DLGAP1: variants seen among roughly 807,000 people sequenced by gnomAD.
DLGAP1 encodes DLG associated protein 1.
A neutral mutation model predicts 90.8 loss-of-function variants in DLGAP1; 11 were observed. The ratio of observed to expected loss-of-function variants is 0.12; its 90% CI spans 0.08 to 0.20. The LOEUF is 0.20. Among genes scored for constraint, DLGAP1 ranks in the 10% least tolerant of loss-of-function variants. The probability of loss-of-function intolerance (pLI) is 1.00; values close to 1 mark genes in which losing one functional copy is unlikely to be tolerated. For missense variants in DLGAP1, 1,050 were observed against 1,333.8 expected, an observed-to-expected ratio of 0.79 and a Z score of 3.31; for synonymous variants, 558 against 540.7, an observed-to-expected ratio of 1.03 and a Z score of -0.44.
intron 7 of DLGAP1, among the ~76,000 whole-genome samples, chr18:3,641,480 T>C (rs1599681694): frequency 7.1e-6 from 1 of 140,552 alleles, no homozygotes; most frequent in East Asian, 2.1e-4. Context: ...GAGGTTGCGG[T>C]GAGCTGAGAT....
intron 6 of DLGAP1, 149 bp downstream of exon 6, chr18:3,742,186 G>T: frequency 1.0e-6 from 1 of 1,002,952 alleles, no homozygotes; most frequent in Non-Finnish European, 1.4e-6. Context: ...CCCATGGCAT[G>T]CTCTTTGCAG....
chr18:3,549,072 T>A (rs1214618571), intron 9 of DLGAP1, among the ~76,000 whole-genome samples: 2 of 152,206 alleles, frequency 1.3e-5, no homozygotes, highest in Non-Finnish European at 2.9e-5. Flanking sequence ...ATGTCTGGAT[T>A]ATTTCATTTC....
At position 3,567,410 on chromosome 18, in the gene DLGAP1, G is replaced by C; in HGVS notation, c.2057+80C>G. On this transcript the variant is annotated intron_variant, in intron 9 of 12. Coordinates refer to ENST00000315677, the MANE Select transcript of DLGAP1 (RefSeq NM_004746.4). ...TTAGAGGAAAATATCATTGAATTTT[G>C]TAGACTTATCACGGGGAAAAATGCT... 5 of 1,198,216 alleles carry C rather than the reference G, an allele frequency of 4.2e-6. No homozygotes were observed. The South Asian group carries it at 6.6e-5, about 16-fold the overall frequency. 74.2% of individuals were successfully genotyped at this position (1,198,216 alleles called of 1,614,324 possible).
At chr18:4,398,355 T>C (rs9960849) in intron 1 of DLGAP1, among the ~76,000 whole-genome samples, 140,392 of 152,262 alleles carry the variant, frequency 0.92, 64,900 homozygotes, top group East Asian at 1. Flanking sequence ...ACTAGAAATG[T>C]GACTGTTCAC....
chr18:4,411,408 T>C (rs2082774395), intron 1 of DLGAP1, among the ~76,000 whole-genome samples: 1 of 152,170 alleles, frequency 6.6e-6, no homozygotes, highest in African/African-American at 2.4e-5. Context: ...GGTGGACTCA[T>C]AATTACAGTA....
At chr18:3,750,417 C>G (rs902737407) in intron 5 of DLGAP1, among the ~76,000 whole-genome samples, 2 of 152,176 alleles carry the variant, frequency 1.3e-5, no homozygotes, top group Non-Finnish European at 2.9e-5. Context: ...GTGAACAGTG[C>G]TGCAATAAAC....
chr18:4,217,408 T>C (rs894067503), intron 1 of DLGAP1, among the ~76,000 whole-genome samples: 18 of 152,146 alleles, frequency 1.2e-4, no homozygotes, highest in African/African-American at 4.3e-4. Flanking sequence ...GGAATATGAT[T>C]GCTAGTACAT....
intron 2 of DLGAP1, among the ~76,000 whole-genome samples, chr18:4,064,428 T>G (rs1009100445): frequency 2.1e-4 from 24 of 112,268 alleles, no homozygotes; most frequent in Non-Finnish European, 3.9e-4. Flanking sequence ...TTGAAAAAAT[T>G]AATACAATAG....
chr18:3,769,516 A>C (rs2064416375), intron 5 of DLGAP1, among the ~76,000 whole-genome samples: 1 of 152,170 alleles, frequency 6.6e-6, no homozygotes, highest in Non-Finnish European at 1.5e-5. Flanking sequence ...CAAGGAATGA[A>C]TGGTTAAACT....
At chr18:4,081,318 GA>G (rs1283723769) in intron 2 of DLGAP1, among the ~76,000 whole-genome samples, 180 of 140,216 alleles carry the variant, frequency 1.3e-3, no homozygotes, top group Middle Eastern at 3.8e-3. Context: ...TCCGTCTCAG[GA>G]AAAAAAAAAA....
At chr18:4,037,574 G>A (rs1163758215) in intron 2 of DLGAP1, among the ~76,000 whole-genome samples, 1 of 152,200 alleles carries the variant, frequency 6.6e-6, no homozygotes, top group African/African-American at 2.4e-5. Flanking sequence ...GCTGCGCCAT[G>A]CCTTTTCTCT....
At chr18:4,292,492 C>T (rs1429270114) in intron 1 of DLGAP1, among the ~76,000 whole-genome samples, 1 of 151,916 alleles carries the variant, frequency 6.6e-6, no homozygotes, top group Non-Finnish European at 1.5e-5. Context: ...GTTGGATAAT[C>T]TCTTACAACA....
rs188630972 is a variant in DLGAP1 at position 3,918,741 on chromosome 18, A to G, written c.-72-38601T>C. ...AGAGAAAGTGGAAGGAGGGCAACCA[A>G]GAAGTTGAATGTGACGATAGACCAT... On this transcript the variant is annotated intron_variant, in intron 3 of 12. Coordinates refer to ENST00000315677, the MANE Select transcript of DLGAP1 (RefSeq NM_004746.4). 6.1e-3 allele frequency among the ~76,000 whole-genome samples: 929 copies of G among 152,332 alleles called. 7 individuals are homozygous for G. The highest frequency in any genetic ancestry group is 8.6e-3 in the Non-Finnish European group (584 of 68,030).
intron 7 of DLGAP1, among the ~76,000 whole-genome samples, chr18:3,611,044 A>G (rs1599532862): frequency 6.6e-6 from 1 of 151,754 alleles, no homozygotes; most frequent in African/African-American, 2.4e-5. Flanking sequence ...AGGCGGGAGG[A>G]TTGCTTGAGC....
At chr18:3,737,526 A>G (rs2062701119) in intron 6 of DLGAP1, among the ~76,000 whole-genome samples, 2 of 149,598 alleles carry the variant, frequency 1.3e-5, no homozygotes, top group African/African-American at 2.5e-5. Context: ...CAAAAACCAC[A>G]TGATTATCTC....
chr18:4,247,636 G>T (rs952256909), intron 1 of DLGAP1, among the ~76,000 whole-genome samples: 2 of 152,050 alleles, frequency 1.3e-5, no homozygotes, highest in African/African-American at 4.8e-5. Context: ...AATTAGCCAG[G>T]CGTGGTGGCA....
chr18:3,642,457 ATAGTT>A (rs1436334778), intron 7 of DLGAP1, among the ~76,000 whole-genome samples: 8 of 152,206 alleles, frequency 5.3e-5, no homozygotes, highest in African/African-American at 1.9e-4. Flanking sequence ...TCTCCCTCAG[ATAGTT>A]TAAACTGCTT....
At chr18:3,502,719 C>T in intron 11 of DLGAP1, 74 bp from the exon 12 acceptor site, 1 of 1,505,240 alleles carries the variant, frequency 6.6e-7, no homozygotes, top group Non-Finnish European at 9.0e-7. Flanking sequence ...AAGGCATTTT[C>T]AAATATTTCA....
chr18:4,056,169 C>A (rs557755037), intron 2 of DLGAP1, among the ~76,000 whole-genome samples: 3 of 152,084 alleles, frequency 2.0e-5, no homozygotes, highest in Non-Finnish European at 4.4e-5. Context: ...GGCCGTGGAG[C>A]CTTCAGACCA....
Sources: allele counts gnomAD v4.1 joint callset (sites outside exome capture counted in the v4.1 genomes callset), GRCh38; gene constraint gnomAD v4.1.1; transcripts MANE v1.5; gene names NCBI Gene and HGNC (gene_info 2026-07-23, HGNC 2026-07-21).